Variants in ERCC6L2 observed in about 807,000 individuals in gnomAD.
ERCC6L2 encodes DNA excision repair protein ERCC-6-like 2.
ERCC6L2 carries 77 observed loss-of-function variants against 132.0 expected under a neutral mutation model. That is an observed-to-expected ratio of 0.58 (90% CI 0.49 to 0.71). ERCC6L2 has a LOEUF of 0.71. Among genes scored for constraint, ERCC6L2 ranks in the 30% least tolerant of loss-of-function variants. ERCC6L2 has a pLI of 0.00. For synonymous variants in ERCC6L2, 583 were observed against 632.4 expected (o/e 0.92, Z 1.17); for missense variants, 1,542 against 1,837.6 (o/e 0.84, Z 2.94).
chr9:96,027,436 C>T (rs922780933), intron 19 of ERCC6L2, among the ~76,000 whole-genome samples: 1 of 152,206 alleles, frequency 6.6e-6, no homozygotes, highest in Admixed American at 6.5e-5. Flanking sequence ...AGGAAAGACC[C>T]TGGCCGGGGC....
At chr9:95,958,824 C>T (rs912306141) in intron 13 of ERCC6L2, among the ~76,000 whole-genome samples, 11 of 151,952 alleles carry the variant, frequency 7.2e-5, no homozygotes, top group Admixed American at 2.0e-4. Context: ...TTACAAGGGA[C>T]GTGAAGGACC....
chr9:95,959,966 C>A (rs1281132635), intron 13 of ERCC6L2, among the ~76,000 whole-genome samples: 1 of 151,970 alleles, frequency 6.6e-6, no homozygotes, highest in Non-Finnish European at 1.5e-5. Context: ...AAGAAGGGAG[C>A]CTTAGGGTAA....
intron 13 of ERCC6L2, among the ~76,000 whole-genome samples, chr9:95,956,231 T>G (rs951493676): frequency 6.6e-6 from 1 of 152,194 alleles, no homozygotes; most frequent in Non-Finnish European, 1.5e-5. Flanking sequence ...TCTTAAACTT[T>G]AGTGTACATG....
chr9:95,997,966 A>G (rs1044565131), intron 17 of ERCC6L2, among the ~76,000 whole-genome samples: 2 of 152,214 alleles, frequency 1.3e-5, no homozygotes, highest in Non-Finnish European at 2.9e-5. Flanking sequence ...AGTGAAACCA[A>G]CTTTTCTAAC....
chr9:95,917,456 T>G (rs1829654550), intron 6 of ERCC6L2, among the ~76,000 whole-genome samples: 1 of 152,214 alleles, frequency 6.6e-6, no homozygotes, highest in Non-Finnish European at 1.5e-5. Flanking sequence ...TCCTCTTGAT[T>G]GTTTCTTTAA....
chr9:96,008,419 CT>C (rs1375058091), intron 18 of ERCC6L2, among the ~76,000 whole-genome samples: 1 of 152,136 alleles, frequency 6.6e-6, no homozygotes, highest in Non-Finnish European at 1.5e-5. Flanking sequence ...AGTGAATTAT[CT>C]AGCTTTCTTT....
At chr9:95,956,822 A>G (rs1831627001) in intron 13 of ERCC6L2, among the ~76,000 whole-genome samples, 1 of 152,188 alleles carries the variant, frequency 6.6e-6, no homozygotes, top group African/African-American at 2.4e-5. Context: ...GTAATTCAAG[A>G]TAAAATTCGG....
At chr9:95,980,539 T>C (rs1832848547) in intron 17 of ERCC6L2, among the ~76,000 whole-genome samples, 1 of 152,120 alleles carries the variant, frequency 6.6e-6, no homozygotes, top group East Asian at 1.9e-4. Context: ...TTCAAAGCTG[T>C]CTCACAGAAT....
chr9:95,895,619 A>G (rs759484516), intron 2 of ERCC6L2, among the ~76,000 whole-genome samples: 1 of 152,134 alleles, frequency 6.6e-6, no homozygotes, highest in Non-Finnish European at 1.5e-5. Flanking sequence ...TTGATTTATC[A>G]TAATCTAACA....
At position 95,876,054 on chromosome 9, in the gene ERCC6L2, C is replaced by T; in HGVS notation, c.16C>T (p.Pro6Ser). 1.3e-6 allele frequency: 2 copies of T among 1,587,176 alleles called. No individual in the cohort carries two copies. The highest frequency in any genetic ancestry group is 1.7e-6 in the Non-Finnish European group (2 of 1,167,516). ...CCCTGGCCGGATGGATCCGTCGGCG[C>T]CACAGCCCCGCGCGGAAACCTCAGG... is the stretch of plus-strand genomic sequence containing the variant. MDPSAPQPRAETSGKD... is the reference protein window; with the variant it reads MDPSASQPRAETSGKD... The change falls in exon 1 of 19, where the codon CCA (proline) becomes TCA (serine). Residue 6 changes from proline to serine, a missense_variant. Pro to Ser is a moderately conservative substitution (Grantham distance 74). Around this residue, in one of 4 missense-constraint regions of ERCC6L2, gnomAD observed 153 missense variants for 132.3 expected, o/e 1.16. Transcript: ENST00000653738.
intron 17 of ERCC6L2, among the ~76,000 whole-genome samples, chr9:96,000,138 CG>C (rs1483963802): frequency 1.3e-5 from 2 of 152,136 alleles, no homozygotes; most frequent in African/African-American, 4.8e-5. Context: ...CCGCCCACCT[CG>C]GCCTCCCAAA....
intron 2 of ERCC6L2, among the ~76,000 whole-genome samples, chr9:95,894,637 C>T (rs1299444488): frequency 7.4e-6 from 1 of 135,600 alleles, no homozygotes; most frequent in Non-Finnish European, 1.5e-5. Flanking sequence ...TCTTATTGCC[C>T]AAGATGGAGT....
At position 95,885,333 on chromosome 9, in the gene ERCC6L2, A is replaced by G. The variant is rs140058245; in HGVS notation, c.471+4040A>G. On this transcript the variant is annotated intron_variant, in intron 2 of 18. Transcript: ENST00000653738. ...TATCCCACATACACATATCCAAGAA[A>G]AGATCATCACAGCCAAGACGATGAA... Among the ~76,000 whole-genome samples the G allele has an allele frequency of 3.4e-3, 523 of 152,310 alleles. 3 individuals carry two copies. The highest frequency in any genetic ancestry group is 0.012 in the African/African-American group (503 of 41,564).
intron 2 of ERCC6L2, among the ~76,000 whole-genome samples, chr9:95,893,598 A>G (rs1481810763): frequency 6.6e-6 from 1 of 152,144 alleles, no homozygotes; most frequent in African/African-American, 2.4e-5. Flanking sequence ...TCTTTGTGGA[A>G]GGTTTATAAT....
At position 96,017,126 on chromosome 9, in the gene ERCC6L2, A is replaced by G. The variant is rs2133240102; in HGVS notation, c.*3923A>G. On this transcript the variant is annotated 3_prime_UTR_variant, in exon 19 of 19. Coordinates refer to ENST00000653738, the MANE Select transcript of ERCC6L2 (RefSeq NM_020207.7). ...CGGATACAGACTTGTTTCTGGTTTC[A>G]TCTTCCACCAGAGATTGCAAAGCAT... Among the ~76,000 whole-genome samples the G allele has an allele frequency of 6.6e-6, 1 of 152,166 alleles. No homozygotes were observed. The highest frequency in any genetic ancestry group is 2.1e-4 in the South Asian group (1 of 4,814).
intron 17 of ERCC6L2, among the ~76,000 whole-genome samples, chr9:95,982,212 G>A (rs994167292): frequency 1.3e-5 from 2 of 152,094 alleles, no homozygotes; most frequent in African/African-American, 2.4e-5. Context: ...GCCTGGGGTG[G>A]GAGGTAGCGT....
chr9:96,020,257 C>T (rs1427227497), downstream of ERCC6L2: 2 of 163,634 alleles, frequency 1.2e-5, no homozygotes, highest in Admixed American at 1.1e-4. Context: ...TTACCTCCAC[C>T]TGGTCCCGCC....
chr9:95,964,080 C>T (rs374699653), intron 13 of ERCC6L2, among the ~76,000 whole-genome samples: 4 of 152,094 alleles, frequency 2.6e-5, no homozygotes, highest in African/African-American at 4.8e-5. Context: ...AGTGTTCATT[C>T]GTGATTCCTG....
At chr9:95,999,114 A>G (rs572391394) in intron 17 of ERCC6L2, among the ~76,000 whole-genome samples, 2 of 152,274 alleles carry the variant, frequency 1.3e-5, no homozygotes, top group East Asian at 3.9e-4. Flanking sequence ...TAATCCCAGC[A>G]CTTTGGGAGG....
Sources: allele counts gnomAD v4.1 joint callset (sites outside exome capture counted in the v4.1 genomes callset), GRCh38; gene constraint gnomAD v4.1.1; regional missense constraint gnomAD v4.1.1; transcripts MANE v1.5; gene names NCBI Gene and HGNC (gene_info 2026-07-23, HGNC 2026-07-21).